The following LRRC4C variants were observed in gnomAD, a reference collection of about 807,000 sequenced individuals.
LRRC4C encodes the protein leucine-rich repeat-containing protein 4C.
A neutral mutation model predicts 33.6 loss-of-function variants in LRRC4C; 5 were observed. The ratio of observed to expected loss-of-function variants is 0.15; its 90% CI spans 0.08 to 0.31. LRRC4C has a LOEUF of 0.31. Ranked by LOEUF, LRRC4C falls within the 10% of genes least tolerant of loss-of-function variation. The pLI is 1.00. For synonymous variants in LRRC4C, 329 were observed against 302.0 expected (o/e 1.09, Z -0.93); for missense variants, 560 against 796.7 (o/e 0.70, Z 3.58).
chr11:41,346,718 AG>A (rs1190013068), intron 1 of LRRC4C, among the ~76,000 whole-genome samples: 3 of 152,202 alleles, frequency 2.0e-5, no homozygotes, highest in African/African-American at 7.2e-5. Context: ...GGTTCCAAAA[AG>A]TTCCGCATTA....
chr11:40,120,638 T>G (rs1348779768), intron 6 of LRRC4C, among the ~76,000 whole-genome samples: 1 of 152,128 alleles, frequency 6.6e-6, no homozygotes, highest in African/African-American at 2.4e-5. Context: ...CCTCCATTCT[T>G]TCTCCCATTC....
intron 3 of LRRC4C, among the ~76,000 whole-genome samples, chr11:40,600,141 G>T (rs763766334): frequency 5.3e-5 from 8 of 152,172 alleles, no homozygotes; most frequent in Non-Finnish European, 1.0e-4. Context: ...TGGAAGTTCA[G>T]GGTGACTAGA....
intron 1 of LRRC4C, among the ~76,000 whole-genome samples, chr11:41,398,942 A>G (rs898694309): frequency 1.3e-5 from 2 of 151,962 alleles, no homozygotes; most frequent in African/African-American, 4.8e-5. Flanking sequence ...GTAAGGCTTA[A>G]TGACTACCAT....
chr11:40,451,752 G>A (rs1022836903), intron 3 of LRRC4C, among the ~76,000 whole-genome samples: 6 of 152,120 alleles, frequency 3.9e-5, no homozygotes, highest in African/African-American at 7.2e-5. Context: ...AGATGAAATG[G>A]ACAAATTTGT....
intron 3 of LRRC4C, among the ~76,000 whole-genome samples, chr11:40,501,380 A>T (rs977013124): frequency 1.2e-4 from 18 of 151,992 alleles, no homozygotes; most frequent in African/African-American, 4.4e-4. Flanking sequence ...CCCTCCCTAC[A>T]TTTCCCTTCC....
chr11:41,278,969 T>C (rs1949569166), intron 1 of LRRC4C, among the ~76,000 whole-genome samples: 1 of 152,148 alleles, frequency 6.6e-6, no homozygotes, highest in Non-Finnish European at 1.5e-5. Context: ...TTTCAACCCT[T>C]GTCCCCTCTC....
chr11:40,123,951 T>C (rs893051123), intron 6 of LRRC4C, among the ~76,000 whole-genome samples: 1 of 152,112 alleles, frequency 6.6e-6, no homozygotes, highest in African/African-American at 2.4e-5. Context: ...TACAGTGAAC[T>C]CATTTTTGAC....
At chr11:40,126,208 G>C (rs954553450) in intron 6 of LRRC4C, among the ~76,000 whole-genome samples, 1 of 149,590 alleles carries the variant, frequency 6.7e-6, no homozygotes, top group African/African-American at 2.4e-5. Flanking sequence ...CATTCTTCTA[G>C]AAGACTTATT....
At chr11:40,800,780 A>G (rs1951009709) in intron 2 of LRRC4C, among the ~76,000 whole-genome samples, 1 of 151,386 alleles carries the variant, frequency 6.6e-6, no homozygotes, top group Non-Finnish European at 1.5e-5. Flanking sequence ...TTTCAGAAGA[A>G]AAAAAAAGCT....
At chr11:41,310,217 T>C (rs1950608736) in intron 1 of LRRC4C, among the ~76,000 whole-genome samples, 1 of 152,238 alleles carries the variant, frequency 6.6e-6, no homozygotes, top group African/African-American at 2.4e-5. Context: ...TCAGCCAAAA[T>C]ACACATCTCA....
At chr11:40,875,338 T>A (rs572347198) in intron 2 of LRRC4C, among the ~76,000 whole-genome samples, 3 of 152,344 alleles carry the variant, frequency 2.0e-5, no homozygotes, top group Non-Finnish European at 2.9e-5. Flanking sequence ...TGAGTCAATA[T>A]TTTAAAATTC....
At chr11:41,335,479 A>AT (rs1289427039) in intron 1 of LRRC4C, among the ~76,000 whole-genome samples, 2 of 152,114 alleles carry the variant, frequency 1.3e-5, no homozygotes, top group Admixed American at 6.6e-5. Flanking sequence ...CTGAGCTTTA[A>AT]TTTTTTTGTA....
At chr11:40,998,213 A>T (rs909551915) in intron 1 of LRRC4C, among the ~76,000 whole-genome samples, 2 of 151,848 alleles carry the variant, frequency 1.3e-5, no homozygotes, top group Admixed American at 6.6e-5. Flanking sequence ...TATATTTTTT[A>T]AAAATATTAA....
intron 1 of LRRC4C, among the ~76,000 whole-genome samples, chr11:41,387,881 G>A (rs943764292): frequency 1.3e-5 from 2 of 151,754 alleles, no homozygotes; most frequent in African/African-American, 4.8e-5. Flanking sequence ...GGTCACCTCA[G>A]TAGATCACTT....
At chr11:40,772,310 G>C (rs1401232472) in intron 2 of LRRC4C, among the ~76,000 whole-genome samples, 1 of 152,150 alleles carries the variant, frequency 6.6e-6, no homozygotes, top group East Asian at 1.9e-4. Context: ...ATCATGAGAA[G>C]AGCATGGGAG....
intron 1 of LRRC4C, among the ~76,000 whole-genome samples, chr11:41,084,962 T>C (rs1473157871): frequency 1.3e-5 from 2 of 152,212 alleles, no homozygotes; most frequent in Non-Finnish European, 2.9e-5. Flanking sequence ...CATGTGAAAG[T>C]ATGCTTAAGT....
At chr11:40,556,507 C>T (rs897537870) in intron 3 of LRRC4C, among the ~76,000 whole-genome samples, 7 of 152,202 alleles carry the variant, frequency 4.6e-5, no homozygotes, top group Admixed American at 1.3e-4. Flanking sequence ...TGACATAAAT[C>T]GTGTGTGAAA....
intron 1 of LRRC4C, among the ~76,000 whole-genome samples, chr11:41,233,634 T>C (rs1386408319): frequency 1.3e-5 from 2 of 152,056 alleles, no homozygotes; most frequent in African/African-American, 4.8e-5. Flanking sequence ...GATATATCAG[T>C]AATTTAAATT....
At chr11:40,201,426 C>A (rs1862743174) in intron 5 of LRRC4C, among the ~76,000 whole-genome samples, 1 of 152,118 alleles carries the variant, frequency 6.6e-6, no homozygotes, top group African/African-American at 2.4e-5. Context: ...CTAGGTACAG[C>A]AACAAACTAA....
Sources: allele counts gnomAD v4.1 joint callset (sites outside exome capture counted in the v4.1 genomes callset), GRCh38; gene constraint gnomAD v4.1.1; transcripts MANE v1.5; gene names NCBI Gene and HGNC (gene_info 2026-07-23, HGNC 2026-07-21).